The following ZNF618 variants were observed in gnomAD, a reference collection of about 807,000 sequenced individuals.
ZNF618 encodes the protein zinc finger protein 618, also known as neural precursor cell expressed, developmentally down-regulated 10.
A neutral mutation model predicts 103.0 loss-of-function variants in ZNF618; 34 were observed. The ratio of observed to expected loss-of-function variants is 0.33; its 90% CI spans 0.25 to 0.44. The LOEUF is 0.44. Among genes scored for constraint, ZNF618 ranks in the 20% least tolerant of loss-of-function variants. The probability of loss-of-function intolerance (pLI) is 1.00; values close to 1 mark genes in which losing one functional copy is unlikely to be tolerated. For missense variants in ZNF618, 1,059 were observed against 1,295.4 expected, an observed-to-expected ratio of 0.82 and a Z score of 2.80; for synonymous variants, 551 against 542.2, an observed-to-expected ratio of 1.02 and a Z score of -0.23.
intron 10 of ZNF618, among the ~76,000 whole-genome samples, chr9:114,026,166 G>A (rs934285432): frequency 2.8e-4 from 42 of 152,324 alleles, no homozygotes; most frequent in African/African-American, 7.9e-4. Flanking sequence ...AAAGTTTGAG[G>A]GAAGAATGTT....
At chr9:113,876,585 G>A (rs1046386653) in intron 1 of ZNF618, among the ~76,000 whole-genome samples, 172 bp downstream of exon 1, 3 of 151,836 alleles carry the variant, frequency 2.0e-5, no homozygotes, top group African/African-American at 7.2e-5. Flanking sequence ...ACCCCCCCGG[G>A]CGCTGCGGGG....
intron 2 of ZNF618, among the ~76,000 whole-genome samples, chr9:113,972,925 C>T (rs1838115694): frequency 6.6e-6 from 1 of 152,084 alleles, no homozygotes; most frequent in Non-Finnish European, 1.5e-5. Flanking sequence ...AAAAATTAGC[C>T]AGGTATGGTG....
At chr9:114,035,628 C>T (rs988527446) in intron 12 of ZNF618, among the ~76,000 whole-genome samples, 1 of 138,510 alleles carries the variant, frequency 7.2e-6, no homozygotes, top group African/African-American at 2.8e-5. Context: ...CCTCTTCCTT[C>T]TCTCCTCCTC....
At chr9:113,995,489 T>G (rs1457699476) in intron 3 of ZNF618, among the ~76,000 whole-genome samples, 7 of 152,220 alleles carry the variant, frequency 4.6e-5, no homozygotes, top group Non-Finnish European at 1.0e-4. Context: ...AGATTCGACA[T>G]TAATTTAATT....
chr9:114,040,168 C>T (rs1321989933), intron 13 of ZNF618, among the ~76,000 whole-genome samples: 2 of 152,160 alleles, frequency 1.3e-5, no homozygotes, highest in Admixed American at 1.3e-4. Context: ...AAGAATCATT[C>T]CTGCAGCTTA....
chr9:114,047,627 C>T lies in ZNF618; in HGVS notation c.1247-266C>T, dbSNP rs189616140. On this transcript the variant is annotated intron_variant, in intron 13 of 14. Transcript: ENST00000374126. Reference sequence around the variant, plus strand: ...TCCAGAGAGTTTGCTCCATACCACACACTGTGCTCAGCTCTTCCTGGATTA... The same window carrying T: ...TCCAGAGAGTTTGCTCCATACCACATACTGTGCTCAGCTCTTCCTGGATTA... 8.3e-3 allele frequency among the ~76,000 whole-genome samples: 1,270 copies of T among 152,278 alleles called. 54 individuals carry two copies. Among genetic ancestry groups the T allele is most frequent in the Admixed American group, 0.072 (1,094 of 15,288 alleles).
chr9:114,042,932 T>C (rs559349452), intron 13 of ZNF618, among the ~76,000 whole-genome samples: 3 of 152,258 alleles, frequency 2.0e-5, no homozygotes, highest in Non-Finnish European at 4.4e-5. Flanking sequence ...AACACCTGCT[T>C]TCTTTCATTG....
rs1163416044 is a variant in ZNF618 at position 114,054,963 on chromosome 9, G to A, written c.*4796G>A. 1.4e-4 allele frequency: 3 copies of A among 21,762 alleles called. No individual in the cohort carries two copies. Among genetic ancestry groups the A allele is most frequent in the African/African-American group, 5.9e-4 (3 of 5,084 alleles). 1.3% of individuals were successfully genotyped at this position (21,762 alleles called of 1,614,324 possible). On this transcript the variant is annotated 3_prime_UTR_variant, in exon 15 of 15. Coordinates refer to ENST00000374126, the MANE Select transcript of ZNF618 (RefSeq NM_001318042.2). The stretch of plus-strand genomic sequence containing the variant: ...CCCCACCCCCCCGCCCACCCACCAC[G>A]GGTGTCGCTTTAAAGAGTCAATTCT...
chr9:113,980,670 A>G (rs1334944156), intron 2 of ZNF618, among the ~76,000 whole-genome samples: 1 of 152,252 alleles, frequency 6.6e-6, no homozygotes, highest in Non-Finnish European at 1.5e-5. Flanking sequence ...CTTGGGGCAT[A>G]TCAAGTTGTA....
chr9:113,964,972 ATTT>A (rs758210380), intron 1 of ZNF618, among the ~76,000 whole-genome samples: 15 of 126,340 alleles, frequency 1.2e-4, no homozygotes, highest in African/African-American at 4.2e-4. Flanking sequence ...GAGAGATAGG[ATTT>A]TTTTTTTTTT....
intron 13 of ZNF618, among the ~76,000 whole-genome samples, chr9:114,042,640 G>A (rs183816169): frequency 1.4e-4 from 22 of 152,294 alleles, no homozygotes; most frequent in African/African-American, 5.1e-4. Context: ...ACCAGCCCTG[G>A]TCACCACAGC....
intron 1 of ZNF618, among the ~76,000 whole-genome samples, chr9:113,953,554 A>T (rs545299939): frequency 6.6e-6 from 1 of 152,300 alleles, no homozygotes. Context: ...AGAGAGTTTG[A>T]TTCTGTTCTT....
chr9:113,955,243 C>T (rs1440234716), intron 1 of ZNF618, among the ~76,000 whole-genome samples: 7 of 150,906 alleles, frequency 4.6e-5, no homozygotes, highest in Non-Finnish European at 7.4e-5. Context: ...TGACTCACCC[C>T]GTGGAAGTCA....
At chr9:113,935,276 C>T (rs1282269087) in intron 1 of ZNF618, among the ~76,000 whole-genome samples, 1 of 152,232 alleles carries the variant, frequency 6.6e-6, no homozygotes, top group Non-Finnish European at 1.5e-5. Context: ...TTGCCCCCCA[C>T]TTTACATCAT....
intron 1 of ZNF618, among the ~76,000 whole-genome samples, chr9:113,894,143 G>T (rs1043408001): frequency 4.6e-5 from 7 of 151,880 alleles, no homozygotes; most frequent in Non-Finnish European, 8.8e-5. Flanking sequence ...CATTTTATTA[G>T]CCAGAATTCT....
chr9:113,947,369 G>A (rs1444780116), intron 1 of ZNF618, among the ~76,000 whole-genome samples: 2 of 152,184 alleles, frequency 1.3e-5, no homozygotes, highest in African/African-American at 4.8e-5. Context: ...AGAGGCATGC[G>A]TGTAGAGTGT....
At position 114,002,616 on chromosome 9, in the gene ZNF618, C is replaced by CTT. The variant is rs2133678376; in HGVS notation, c.512-6_512-5dup. The CTT allele has an allele frequency of 6.2e-7, 1 of 1,610,084 alleles. No individual in the cohort carries two copies. The highest frequency in any genetic ancestry group is 8.5e-7 in the Non-Finnish European group (1 of 1,179,536). On this transcript the variant is annotated splice_polypyrimidine_tract_variant and splice_region_variant and intron_variant, in intron 5 of 14. Coordinates refer to ENST00000374126, the MANE Select transcript of ZNF618 (RefSeq NM_001318042.2). ...CCCACCCCCATCCCTCTCTCTCTCTCTTTGCAGACACCGAAGCCACCTCAG... is the reference window on the plus strand; with the variant it reads ...CCCACCCCCATCCCTCTCTCTCTCTCTTTTTGCAGACACCGAAGCCACCTCAG...
At position 114,049,282 on chromosome 9, in the gene ZNF618, G is replaced by A. The variant is rs1845931791; in HGVS notation, c.1980G>A (p.Glu660=). ...CACTGCAGGCCCGCAGCATGCACGA[G>A]GTCATCGAGCTGCTCAACGTGTGCG... ...KRTLQARSMH[E]VIELLNVCED... Residue 660 remains glutamate, a synonymous_variant, in exon 15 of 15, where the codon GAG becomes GAA. Transcript: ENST00000374126. 1.2e-6 allele frequency: 2 copies of A among 1,612,292 alleles called. No homozygotes were observed. Among genetic ancestry groups the A allele is most frequent in the South Asian group, 1.1e-5 (1 of 91,072 alleles).
intron 13 of ZNF618, among the ~76,000 whole-genome samples, chr9:114,043,733 A>G (rs894665138): frequency 3.9e-5 from 6 of 152,188 alleles, no homozygotes; most frequent in Non-Finnish European, 8.8e-5. Context: ...TTTTTAAATT[A>G]TGGCCATTCT....
Sources: gnomAD v4.1 joint callset for allele counts (sites outside exome capture counted in the v4.1 genomes callset) on GRCh38, gnomAD v4.1.1 for gene constraint, MANE v1.5 for transcripts, NCBI Gene and HGNC (gene_info 2026-07-23, HGNC 2026-07-21) for gene names.